ATM: variants seen among roughly 807,000 people sequenced by gnomAD.
ATM encodes the protein serine-protein kinase ATM.
A neutral mutation model predicts 387.0 loss-of-function variants in ATM; 308 were observed. The ratio of observed to expected loss-of-function variants is 0.80; its 90% confidence interval spans 0.73 to 0.87. The LOEUF is 0.87. Ranked by LOEUF, ATM falls within the 40% of genes least tolerant of loss-of-function variation. The pLI is 0.00. For missense variants in ATM, 3,312 were observed against 3,560.9 expected (o/e 0.93, Z 1.78); for synonymous variants, 1,156 against 1,187.3 (o/e 0.97, Z 0.54).
At chr11:108,224,069 A>T (rs985222816) in intron 1 of ATM, 2 of 152,246 alleles carry the variant, frequency 1.3e-5, no homozygotes, top group Admixed American at 6.5e-5. Flanking sequence ...TAATATGATC[A>T]TTGCTAACAT....
chr11:108,278,402 A>T (rs1353684741), intron 22 of ATM, among the ~76,000 whole-genome samples: 1 of 152,232 alleles, frequency 6.6e-6, no homozygotes, highest in Non-Finnish European at 1.5e-5. Context: ...GCGGCAGTGT[A>T]GTGGTGGCAT....
chr11:108,354,300 A>G (rs1002713284), intron 60 of ATM, among the ~76,000 whole-genome samples: 2 of 152,114 alleles, frequency 1.3e-5, no homozygotes, highest in African/African-American at 4.8e-5. Flanking sequence ...TTTACTTTTA[A>G]CACCTCTATC....
intron 16 of ATM, among the ~76,000 whole-genome samples, chr11:108,265,450 A>G (rs917844346): frequency 2.0e-5 from 3 of 152,204 alleles, no homozygotes; most frequent in African/African-American, 7.2e-5. Context: ...CTGAAACTGG[A>G]TCCCTTCCTT....
intron 29 of ATM, among the ~76,000 whole-genome samples, chr11:108,292,332 T>C (rs1591672520): frequency 6.6e-6 from 1 of 152,216 alleles, no homozygotes; most frequent in African/African-American, 2.4e-5. Context: ...ATTCAATATT[T>C]TCCTGATTAC....
intron 33 of ATM, among the ~76,000 whole-genome samples, chr11:108,298,295 T>C (rs772999419): frequency 7.9e-5 from 12 of 152,254 alleles, no homozygotes; most frequent in Non-Finnish European, 1.8e-4. Context: ...TTCAACAGCC[T>C]TAACTTCTCA....
At chr11:108,228,225 T>G (rs528676326) in intron 3 of ATM, among the ~76,000 whole-genome samples, 16 of 152,326 alleles carry the variant, frequency 1.1e-4, no homozygotes, top group Non-Finnish European at 2.1e-4. Flanking sequence ...TTTTCACACC[T>G]TTAAATATTA....
chr11:108,256,274 C>T lies in ATM; in HGVS notation c.2184C>T (p.Cys728=), dbSNP rs1555074933. The T allele has an allele frequency of 6.2e-7, 1 of 1,611,212 alleles. No individual in the cohort carries two copies. The highest frequency in any genetic ancestry group is 8.5e-7 in the Non-Finnish European group (1 of 1,178,160). The part of the protein sequence containing the change: ...CSRLLVGVLG[C]YCYMGVIAEE... ...GTCTTTTGGTGGGTGTCCTTGGCTG[C>T]TACTGTTACATGGGTGTAATAGCTG... The change falls in exon 14 of 63, where the codon TGC becomes TGT. Residue 728 remains cysteine (C), a synonymous_variant. Transcript: ENST00000675843.
chr11:108,349,071 G>C (rs2088849686), intron 59 of ATM, among the ~76,000 whole-genome samples: 1 of 152,136 alleles, frequency 6.6e-6, no homozygotes, highest in Non-Finnish European at 1.5e-5. Flanking sequence ...GTGATAAAGA[G>C]ACCTAAAGAT....
rs1060501546 is a variant in ATM at position 108,267,189 on chromosome 11, C to G, written c.2485C>G (p.Pro829Ala). Residue 829 changes from proline to alanine, a missense_variant, in exon 17 of 63, where the codon CCA becomes GCA. Pro to Ala is a conservative substitution (Grantham distance 27). Around this residue, in one of 4 missense-constraint regions of ATM, gnomAD observed 1,791 missense variants for 1,804.5 expected, o/e 0.99. Transcript: ENST00000675843. ...CKSLASFIKK[P>A]FDRGEVESME... ...CTTGAAGGCATCCTTCATCAAAAAG[C>G]CATTTGACCGTGGAGAAGTAGAATC... The G allele has an allele frequency of 1.2e-6, 2 of 1,613,986 alleles. No individual in the cohort carries two copies. The highest frequency in any genetic ancestry group is 1.1e-5 in the South Asian group (1 of 91,064).
intron 61 of ATM, among the ~76,000 whole-genome samples, chr11:108,360,381 G>A (rs1397160216): frequency 2.0e-5 from 3 of 150,120 alleles, no homozygotes; most frequent in African/African-American, 7.4e-5. Context: ...GGAGGAACTG[G>A]TACCATTCCT....
At chr11:108,307,571 CAGTG>C (rs1796710594) in intron 37 of ATM, among the ~76,000 whole-genome samples, 1 of 152,182 alleles carries the variant, frequency 6.6e-6, no homozygotes, top group Non-Finnish European at 1.5e-5. Flanking sequence ...CCAGGCTAGT[CAGTG>C]AGTTCTGTGT....
At position 108,331,077 on chromosome 11, in the gene ATM, C is replaced by A. The variant is rs1034257613; in HGVS notation, c.7516-367C>A. 14 of 771,042 alleles carry A rather than the reference C, an allele frequency of 1.8e-5. No individual in the cohort carries two copies. In the Admixed American group the frequency reaches 3.1e-4, roughly 17 times the overall value. 47.8% of individuals were successfully genotyped at this position (771,042 alleles called of 1,614,324 possible). A position where few individuals can be genotyped will look rare whatever the true frequency, so the allele number is the denominator to read the frequency against. On this transcript the variant is annotated intron_variant, in intron 50 of 62. Coordinates refer to ENST00000675843, the MANE Select transcript of ATM (RefSeq NM_000051.4). Reference sequence around the variant, plus strand: ...GTATACACTAAATATTACTTTTGGCCTATGGGGAAAAGCAATTACTTCATT... The same window carrying A: ...GTATACACTAAATATTACTTTTGGCATATGGGGAAAAGCAATTACTTCATT...
intron 48 of ATM, among the ~76,000 whole-genome samples, chr11:108,328,753 T>C (rs1172135250): frequency 6.6e-6 from 1 of 152,308 alleles, no homozygotes; most frequent in Admixed American, 6.5e-5. Flanking sequence ...ACATTAATGA[T>C]AGCTAATGAG....
chr11:108,344,102 C>T (rs1014711944), intron 57 of ATM, among the ~76,000 whole-genome samples: 2 of 152,096 alleles, frequency 1.3e-5, no homozygotes, highest in African/African-American at 2.4e-5. Context: ...AATCCAAAAT[C>T]CATTTATTGT....
intron 37 of ATM, among the ~76,000 whole-genome samples, chr11:108,305,758 C>A (rs767329185): frequency 6.6e-6 from 1 of 151,890 alleles, no homozygotes; most frequent in Non-Finnish European, 1.5e-5. Context: ...GAAATTCCAC[C>A]AAGGGTTGGG....
Position 108,330,355 on chromosome 11 carries a change from G to A in ATM, c.7449G>A (p.Trp2483Ter), listed in dbSNP as rs773516672. The A allele has an allele frequency of 3.7e-6, 6 of 1,613,998 alleles. No individual in the cohort carries two copies. The Admixed American group carries it at 8.3e-5, about 22-fold the overall frequency. The part of the protein sequence containing the change: ...CLLSGEEHDM[W>*]VFRLCSLWLE... ...TAAGTGGAGAAGAACATGATATGTG[G>A]GTATTCCGACTTTGTTCCCTCTGGC... Residue 2483 changes from tryptophan to a stop codon, truncating the protein, a stop_gained, in exon 50 of 63, where the codon TGG becomes TGA. Coordinates refer to ENST00000675843, the MANE Select transcript of ATM (RefSeq NM_000051.4). LOFTEE classifies it high-confidence loss of function.
intron 61 of ATM, among the ~76,000 whole-genome samples, chr11:108,362,752 G>A (rs1387427450): frequency 7.2e-6 from 1 of 138,032 alleles, no homozygotes; most frequent in African/African-American, 2.7e-5. Flanking sequence ...TGAACAATGA[G>A]AACACATGGA....
At chr11:108,250,055 GTTTC>G (rs1364487308) in intron 9 of ATM, among the ~76,000 whole-genome samples, 2 of 151,682 alleles carry the variant, frequency 1.3e-5, no homozygotes, top group South Asian at 4.2e-4. Flanking sequence ...AGTTTTTTGG[GTTTC>G]TTTGTTTTCC....
chr11:108,252,126 A>G (rs2080187701), intron 11 of ATM, 95 bp downstream of exon 11: 6 of 1,091,498 alleles, frequency 5.5e-6, no homozygotes, highest in African/African-American at 3.2e-5. Context: ...TTTTATAATA[A>G]TAATGCAGAA....
Sources: gnomAD v4.1 joint callset for allele counts (sites outside exome capture counted in the v4.1 genomes callset) on GRCh38, gnomAD v4.1.1 for gene constraint, gnomAD v4.1.1 regional missense constraint, MANE v1.5 for transcripts, NCBI Gene and HGNC (gene_info 2026-07-23, HGNC 2026-07-21) for gene names.